NCOR2: variants seen among roughly 807,000 people sequenced by gnomAD.
The protein encoded by NCOR2 is nuclear receptor corepressor 2.
A neutral mutation model predicts 262.9 loss-of-function variants in NCOR2; 81 were observed. The ratio of observed to expected loss-of-function variants is 0.31; its 90% CI spans 0.26 to 0.37. NCOR2 has a LOEUF of 0.37. Among genes scored for constraint, NCOR2 ranks in the 10% least tolerant of loss-of-function variants. NCOR2 has a pLI of 1.00. For synonymous variants in NCOR2, 1,659 were observed against 1,559.3 expected, an observed-to-expected ratio of 1.06 and a Z score of -1.51; for missense variants, 3,385 against 3,621.4, an observed-to-expected ratio of 0.93 and a Z score of 1.68.
intron 7 of NCOR2, among the ~76,000 whole-genome samples, chr12:124,446,216 C>T (rs530337986): frequency 1.3e-5 from 2 of 152,310 alleles, no homozygotes; most frequent in East Asian, 3.9e-4. Flanking sequence ...TTGCAAACCT[C>T]CCAGTGACAG....
At chr12:124,511,184 T>A (rs752191236) in intron 1 of NCOR2, among the ~76,000 whole-genome samples, 4 of 152,236 alleles carry the variant, frequency 2.6e-5, no homozygotes, top group Middle Eastern at 6.8e-3. Context: ...GATTTCGGGG[T>A]ACCACCTACA....
chr12:124,527,466 G>A (rs1417103970), intron 1 of NCOR2, among the ~76,000 whole-genome samples: 1 of 151,820 alleles, frequency 6.6e-6, no homozygotes, highest in African/African-American at 2.4e-5. Flanking sequence ...TGCCCAGGCT[G>A]GAGTGCAGTG....
rs1283668910 is a variant in NCOR2, at chr12:124,549,944, C to T, written c.-164-14333G>A. 6.6e-6 allele frequency among the ~76,000 whole-genome samples: 1 copy of T among 152,192 alleles called. No individual in the cohort carries two copies. The highest frequency in any genetic ancestry group is 6.5e-5 in the Admixed American group (1 of 15,282). ...AAATCTACATGCTGGGCGCAAGCTC[C>T]GAGGAAAACTCCTTCGCAGGACCTT... On this transcript the variant is annotated intron_variant, in intron 1 of 32. Transcript: ENST00000458234. This position sits in a 1 kb window ranked among gnomAD's most constrained non-coding sequence, Gnocchi z 4.4.
intron 1 of NCOR2, among the ~76,000 whole-genome samples, chr12:124,559,284 G>A (rs536301232): frequency 7.2e-5 from 11 of 152,310 alleles, no homozygotes; most frequent in South Asian, 4.2e-4. Context: ...GGCTTCAGAC[G>A]CACTTGCAAT....
Position 124,372,072 on chromosome 12 carries a change from A to G in NCOR2, c.2757T>C (p.Ala919=), listed in dbSNP as rs7961196. 524,293 of 1,604,166 alleles carry G rather than the reference A, an allele frequency of 0.33. 89,290 individuals carry two copies. The highest frequency in any genetic ancestry group is 0.44 in the African/African-American group (32,919 of 74,968). Reference sequence around the variant, plus strand: ...CATCCACCTCGTCTGCACTGCAGGTAGCACTGGAGTCGCTGTCCTGGGGGG... The same window carrying G: ...CATCCACCTCGTCTGCACTGCAGGTGGCACTGGAGTCGCTGTCCTGGGGGG... The change falls in exon 20 of 47, where the codon GCT becomes GCC. Residue 919 remains alanine (A), a synonymous_variant. Transcript: ENST00000405201.
At chr12:124,430,273 C>T (rs1460534053) in intron 9 of NCOR2, among the ~76,000 whole-genome samples, 2 of 152,188 alleles carry the variant, frequency 1.3e-5, no homozygotes, top group African/African-American at 2.4e-5. Flanking sequence ...AGGCTGACAG[C>T]GTGGTCTCTT....
chr12:124,408,843 G>A (rs977651256), intron 13 of NCOR2, among the ~76,000 whole-genome samples: 4 of 152,298 alleles, frequency 2.6e-5, no homozygotes, highest in East Asian at 3.9e-4. Context: ...ATGGAGCTAC[G>A]AAGTCATCCG....
intron 3 of NCOR2, among the ~76,000 whole-genome samples, chr12:124,480,117 C>T (rs749675423): frequency 6.6e-6 from 1 of 152,160 alleles, no homozygotes; most frequent in Admixed American, 6.5e-5. Flanking sequence ...CAATCCAATC[C>T]GGCCGCACTG....
chr12:124,564,848 G>T (rs1478112249), intron 1 of NCOR2, among the ~76,000 whole-genome samples: 1 of 151,962 alleles, frequency 6.6e-6, no homozygotes, highest in Admixed American at 6.5e-5. Flanking sequence ...GACGCTGGGG[G>T]CCAGGACTCC....
upstream of NCOR2, among the ~76,000 whole-genome samples, chr12:124,496,355 C>T (rs936398545): frequency 1.4e-4 from 21 of 152,140 alleles, no homozygotes; most frequent in African/African-American, 5.1e-4. The surrounding 1 kb of genome is among the most constrained non-coding windows in gnomAD (Gnocchi z 4.4). Context: ...ACCAGTCCCT[C>T]AGAAAAGGTG....
intron 3 of NCOR2, among the ~76,000 whole-genome samples, chr12:124,473,360 G>A (rs771817409): frequency 2.6e-5 from 4 of 152,154 alleles, no homozygotes; most frequent in East Asian, 1.9e-4. Context: ...AGCTGCCAGC[G>A]AATATAAAGC....
intron 1 of NCOR2, among the ~76,000 whole-genome samples, chr12:124,500,927 C>T (rs535778845): frequency 5.9e-5 from 9 of 152,248 alleles, no homozygotes; most frequent in African/African-American, 1.9e-4. Context: ...GGCTCTGCGC[C>T]GCACGTGCCT....
At chr12:124,398,433 G>A (rs1157873625) in intron 15 of NCOR2, among the ~76,000 whole-genome samples, 1 of 152,232 alleles carries the variant, frequency 6.6e-6, no homozygotes, top group Non-Finnish European at 1.5e-5. Flanking sequence ...GTTGGTCGGG[G>A]CCAACCTCCA....
At chr12:124,427,165 C>G (rs1565932729) in intron 10 of NCOR2, among the ~76,000 whole-genome samples, 1 of 152,194 alleles carries the variant, frequency 6.6e-6, no homozygotes, top group Non-Finnish European at 1.5e-5. Flanking sequence ...GGGAGACAGG[C>G]TGGCCTTCCA....
chr12:124,508,307 C>G (rs1018481243), intron 1 of NCOR2, among the ~76,000 whole-genome samples: 1 of 152,276 alleles, frequency 6.6e-6, no homozygotes, highest in Non-Finnish European at 1.5e-5. Context: ...CAATAAATGT[C>G]TGATGACGGG....
chr12:124,339,439 T>C (rs1389973104), intron 37 of NCOR2, among the ~76,000 whole-genome samples: 9 of 138,712 alleles, frequency 6.5e-5, no homozygotes, highest in African/African-American at 2.5e-4. Context: ...TGGCCATCTA[T>C]CCTTTTGCCC....
rs895959595 is a variant in NCOR2 at position 124,336,476 on chromosome 12, C to T, written c.6115+277G>A. The stretch of plus-strand genomic sequence containing the variant: ...CGCCCCCAAACCAGAGGGGCAGGCG[C>T]GGCCGGAGTAGTCGTCAGCGCGTGC... On this transcript the variant is annotated intron_variant, in intron 38 of 46. Coordinates refer to ENST00000405201, the Ensembl canonical transcript of NCOR2. 57 of 574,804 alleles carry T rather than the reference C, an allele frequency of 9.9e-5. No individual in the cohort carries two copies. The East Asian group carries it at 2.5e-3, about 25-fold the overall frequency. 35.6% of individuals were successfully genotyped at this position (574,804 alleles called of 1,614,324 possible). A position where few individuals can be genotyped will look rare whatever the true frequency, so the allele number is the denominator to read the frequency against.
At chr12:124,374,327 G>A in intron 19 of NCOR2, 86 bp downstream of exon 21, 5 of 1,366,702 alleles carry the variant, frequency 3.7e-6, no homozygotes, top group Non-Finnish European at 5.2e-6. Flanking sequence ...GTGCTCAGAA[G>A]CGGGGTTCCT....
intron 17 of NCOR2, among the ~76,000 whole-genome samples, chr12:124,379,128 C>A (rs1465400402): frequency 1.6e-5 from 1 of 64,288 alleles, no homozygotes; most frequent in East Asian, 2.5e-4. Flanking sequence ...ATGGGCCAGG[C>A]CAGGCTCTGG....
Sources: allele counts gnomAD v4.1 joint callset (sites outside exome capture counted in the v4.1 genomes callset), GRCh38; gene constraint gnomAD v4.1.1; non-coding constraint Gnocchi (gnomAD v3.1); transcripts MANE v1.5; gene names NCBI Gene and HGNC (gene_info 2026-07-23, HGNC 2026-07-21).